Variants in MARCO observed in about 807,000 individuals in gnomAD.
MARCO encodes macrophage receptor MARCO.
MARCO carries 72 observed loss-of-function variants against 70.0 expected under a neutral mutation model. The ratio of observed to expected loss-of-function variants is 1.03; its 90% CI spans 0.85 to 1.25. The LOEUF is 1.25. Ranked by LOEUF, MARCO falls within the 50% of genes most tolerant of loss-of-function variation. MARCO has a pLI of 0.00. For synonymous variants in MARCO, 273 were observed against 243.1 expected (o/e 1.12, Z -1.14); for missense variants, 696 against 659.3 (o/e 1.06, Z -0.61).
At position 118,981,422 on chromosome 2, in the gene MARCO, C is replaced by T; in HGVS notation, c.780C>T (p.Asp260=). ...TTGGTTTTTCAGGAAGCAAAGGGGA[C>T]AGGGGCATGAAAGGAGATGCAGGGG... ...GDLGLPGSKG[D]RGMKGDAGVM... The change falls in exon 9 of 17, where the codon GAC becomes GAT. Residue 260 remains aspartate (D), a synonymous_variant. Coordinates refer to ENST00000327097, the MANE Select transcript of MARCO (RefSeq NM_006770.4). 1.9e-6 allele frequency: 3 copies of T among 1,600,580 alleles called. No homozygotes were observed. Among genetic ancestry groups the T allele is most frequent in the Non-Finnish European group, 2.5e-6 (3 of 1,176,822 alleles).
At chr2:118,954,420 C>G (rs970995674) in intron 1 of MARCO, among the ~76,000 whole-genome samples, 1 of 152,134 alleles carries the variant, frequency 6.6e-6, no homozygotes, top group African/African-American at 2.4e-5. Flanking sequence ...CAAGACCTGC[C>G]GAAGGAGACT....
Position 118,991,837 on chromosome 2 carries a change from C to G in MARCO, c.1169C>G (p.Pro390Arg), listed in dbSNP as rs781161390. ...GGGCTGGCAGGTCCCAAGGGAGCCC[C>G]TGGACAAGCTGGCCAGAAGGGAGAC... Reference protein sequence around the residue: ...SPGLAGPKGAPGQAGQKGDQG... With the variant: ...SPGLAGPKGARGQAGQKGDQG... Residue 390 changes from proline to arginine, a missense_variant, in exon 14 of 17, where the codon CCT becomes CGT. Pro to Arg is a moderately radical substitution (Grantham distance 103, BLOSUM62 -2). Coordinates refer to ENST00000327097, the MANE Select transcript of MARCO (RefSeq NM_006770.4). 49 of 1,601,020 alleles carry G rather than the reference C, an allele frequency of 3.1e-5. No homozygotes were observed. In the Admixed American group the frequency reaches 8.5e-4, roughly 28 times the overall value.
intron 12 of MARCO, among the ~76,000 whole-genome samples, chr2:118,983,484 T>A (rs192048296): frequency 1.4e-4 from 21 of 152,318 alleles, no homozygotes; most frequent in Admixed American, 1.4e-3. Context: ...TCTGTCCTTG[T>A]AATCTGTCGA....
At position 118,982,186 on chromosome 2, in the gene MARCO, C is replaced by T. The variant is rs780136768; in HGVS notation, c.932C>T (p.Pro311Leu). The T allele has an allele frequency of 6.2e-7, 1 of 1,613,194 alleles. No homozygotes were observed. Among genetic ancestry groups the T allele is most frequent in the Non-Finnish European group, 8.5e-7 (1 of 1,179,322 alleles). The change falls in exon 11 of 17, where the codon CCT becomes CTT. Residue 311 changes from proline (P) to leucine (L), a missense_variant. Physicochemically the swap from Pro to Leu is moderately conservative, Grantham distance 98 (BLOSUM62 -3). Around this residue, in one of 3 missense-constraint regions of MARCO, gnomAD observed 605 missense variants for 537.6 expected, o/e 1.13. Coordinates refer to ENST00000327097, the MANE Select transcript of MARCO (RefSeq NM_006770.4). ...CCTGGACTGCAGGGTGTTCCGGGCC[C>T]TCCTGGTGCAGTGGGACACCCAGGT... is the stretch of plus-strand genomic sequence containing the variant. ...GQPGLQGVPG[P>L]PGAVGHPGAK...
intron 12 of MARCO, among the ~76,000 whole-genome samples, chr2:118,982,661 G>A (rs184332192): frequency 1.2e-3 from 186 of 152,258 alleles, no homozygotes; most frequent in Non-Finnish European, 2.2e-3. Flanking sequence ...GCATCACGGA[G>A]GAGAGCAAAG....
intron 12 of MARCO, among the ~76,000 whole-genome samples, chr2:118,982,943 A>G (rs1466506059): frequency 6.6e-6 from 1 of 152,238 alleles, no homozygotes; most frequent in African/African-American, 2.4e-5. Flanking sequence ...GTCGTAAACC[A>G]TTGTACCAAT....
At position 118,969,292 on chromosome 2, in the gene MARCO, C is replaced by T. The variant is rs766565255; in HGVS notation, c.199+31C>T. On this transcript the variant is annotated intron_variant, in intron 2 of 16. Transcript: ENST00000327097. Reference sequence around the variant, plus strand: ...GCAGGCTTGGTCCTGTGTAGTCCCTCCTGGGGGGAGAGGGGTGACCCAGCT... The same window carrying T: ...GCAGGCTTGGTCCTGTGTAGTCCCTTCTGGGGGGAGAGGGGTGACCCAGCT... 11 of 1,586,356 alleles carry T rather than the reference C, an allele frequency of 6.9e-6. No homozygotes were observed. The African/African-American group carries it at 1.1e-4, about 16-fold the overall frequency.
At chr2:118,974,605 A>C (rs760133362) in intron 6 of MARCO, 40 bp downstream of exon 6, 2 of 1,583,450 alleles carry the variant, frequency 1.3e-6, no homozygotes, top group Non-Finnish European at 1.7e-6. Context: ...ATACACAGCA[A>C]GTTTCTCAGA....
chr2:118,987,963 A>G (rs1474866687), intron 12 of MARCO, among the ~76,000 whole-genome samples: 1 of 152,224 alleles, frequency 6.6e-6, no homozygotes, highest in African/African-American at 2.4e-5. Context: ...AGGTGCCTTC[A>G]GGGAACATTG....
At chr2:118,947,793 T>A (rs1679631311) in intron 1 of MARCO, among the ~76,000 whole-genome samples, 1 of 152,240 alleles carries the variant, frequency 6.6e-6, no homozygotes. Context: ...TTAGTCTTCT[T>A]TTCAAAACTG....
intron 1 of MARCO, among the ~76,000 whole-genome samples, chr2:118,952,213 T>G (rs1203935084): frequency 6.6e-6 from 1 of 152,132 alleles, no homozygotes; most frequent in African/African-American, 2.4e-5. Context: ...TGTCTTGCCT[T>G]GCCTGTCCTG....
intron 2 of MARCO, among the ~76,000 whole-genome samples, chr2:118,969,540 G>A (rs951695041): frequency 1.3e-5 from 2 of 152,228 alleles, no homozygotes; most frequent in African/African-American, 4.8e-5. Context: ...ATTTCACACG[G>A]GGGATGACAC....
chr2:118,948,629 A>G (rs1333552488), intron 1 of MARCO, among the ~76,000 whole-genome samples: 1 of 152,184 alleles, frequency 6.6e-6, no homozygotes, highest in East Asian at 1.9e-4. Context: ...TGAAGAGGAA[A>G]TTTTTACTTT....
intron 1 of MARCO, among the ~76,000 whole-genome samples, chr2:118,963,439 T>C (rs994421895): frequency 2.6e-5 from 4 of 152,150 alleles, no homozygotes; most frequent in African/African-American, 9.6e-5. Flanking sequence ...TATTGTATTA[T>C]TGGCAAATAA....
chr2:118,993,034 T>C, intron 15 of MARCO, 90 bp from the exon 16 acceptor site: 1 of 1,162,008 alleles, frequency 8.6e-7, no homozygotes, highest in Non-Finnish European at 1.2e-6. Context: ...TCCTTAACTG[T>C]AGAACTCCAA....
intron 1 of MARCO, among the ~76,000 whole-genome samples, chr2:118,954,912 G>A (rs1436865674): frequency 6.6e-6 from 1 of 152,072 alleles, no homozygotes; most frequent in African/African-American, 2.4e-5. Context: ...AAAAAAATCT[G>A]AACAGCAATC....
chr2:118,969,296 G>C (rs372419831), intron 2 of MARCO, 35 bp downstream of exon 2: 23 of 1,565,840 alleles, frequency 1.5e-5, no homozygotes, highest in Middle Eastern at 1.8e-4. Context: ...GTCCCTCCTG[G>C]GGGGAGAGGG....
In MARCO at chr2:118,971,604, G is replaced by A. The variant is rs182946388; in HGVS notation, c.460+70G>A. 2.5e-5 allele frequency: 38 copies of A among 1,536,434 alleles called. No homozygotes were observed. In the Admixed American group the frequency reaches 4.5e-4, roughly 18 times the overall value. On this transcript the variant is annotated intron_variant, in intron 4 of 16. Transcript: ENST00000327097. Reference sequence around the variant, plus strand: ...CCTCCCCAAAAGGGCCCCTTGGCCTGTGCCATTCTGGGTCTGGACAGCTGA... The same window carrying A: ...CCTCCCCAAAAGGGCCCCTTGGCCTATGCCATTCTGGGTCTGGACAGCTGA...
chr2:118,977,601 A>T, intron 7 of MARCO, 86 bp downstream of exon 7: 1 of 802,112 alleles, frequency 1.2e-6, no homozygotes. Flanking sequence ...TCCTCTTTCC[A>T]CAGCCCCACC....
Sources: gnomAD v4.1 joint callset for allele counts (sites outside exome capture counted in the v4.1 genomes callset) on GRCh38, gnomAD v4.1.1 for gene constraint, gnomAD v4.1.1 regional missense constraint, MANE v1.5 for transcripts, NCBI Gene and HGNC (gene_info 2026-07-23, HGNC 2026-07-21) for gene names.